Variants in LRMDA observed in about 807,000 individuals in gnomAD.
LRMDA encodes leucine rich melanocyte differentiation associated, also known as leucine-rich melanocyte differentiation-associated protein.
Under a neutral mutation model 29.8 loss-of-function variants are expected in LRMDA, and 18 were observed. That is an observed-to-expected ratio of 0.60 (90% CI 0.42 to 0.90). The LOEUF (loss-of-function observed/expected upper bound fraction) is 0.90. LRMDA is among the 40% of genes least tolerant of loss of function. LRMDA has a pLI of 0.00. For missense variants in LRMDA, 273 were observed against 273.9 expected (o/e 1.00, Z 0.02); for synonymous variants, 125 against 109.4 (o/e 1.14, Z -0.89).
At chr10:75,749,822 G>A (rs1842932733) in intron 2 of LRMDA, among the ~76,000 whole-genome samples, 1 of 152,086 alleles carries the variant, frequency 6.6e-6, no homozygotes, top group South Asian at 2.1e-4. Context: ...TTAGGGAGTG[G>A]TGATGACTCT....
At chr10:76,145,700 C>T (rs1363541973) in intron 5 of LRMDA, among the ~76,000 whole-genome samples, 3 of 151,928 alleles carry the variant, frequency 2.0e-5, no homozygotes, top group African/African-American at 7.3e-5. Context: ...TTCAGTTCTG[C>T]TCTGATCTTA....
At chr10:75,764,928 C>CGTGTGTGTGTGT (rs57422251) in intron 2 of LRMDA, among the ~76,000 whole-genome samples, 167 of 142,850 alleles carry the variant, frequency 1.2e-3, no homozygotes, top group African/African-American at 3.8e-3. Context: ...GCAAGAGACA[C>CGTGTGTGTGTGT]GTGTGTGTGT....
chr10:76,273,729 G>T (rs1307146498), intron 5 of LRMDA, among the ~76,000 whole-genome samples: 2 of 152,172 alleles, frequency 1.3e-5, no homozygotes, highest in African/African-American at 2.4e-5. Flanking sequence ...AGAAGCAGGG[G>T]AGTGGAGGCA....
At chr10:75,801,758 C>T (rs186094969) in intron 2 of LRMDA, among the ~76,000 whole-genome samples, 1 of 152,180 alleles carries the variant, frequency 6.6e-6, no homozygotes, top group Non-Finnish European at 1.5e-5. Context: ...AGATAAGGAG[C>T]TGTCGAATGG....
At chr10:76,389,530 G>A (rs759793014) in intron 6 of LRMDA, among the ~76,000 whole-genome samples, 27 of 152,194 alleles carry the variant, frequency 1.8e-4, no homozygotes, top group Non-Finnish European at 2.6e-4. Flanking sequence ...GTTCAGTGGC[G>A]TTAAGTACCT....
At chr10:75,803,582 C>G (rs1843794457) in intron 2 of LRMDA, among the ~76,000 whole-genome samples, 1 of 152,186 alleles carries the variant, frequency 6.6e-6, no homozygotes, top group African/African-American at 2.4e-5. Context: ...GTTTCAGTTT[C>G]CTCACCTGTG....
At chr10:75,633,533 T>C (rs1391309177) in intron 2 of LRMDA, among the ~76,000 whole-genome samples, 1 of 152,240 alleles carries the variant, frequency 6.6e-6, no homozygotes, top group Non-Finnish European at 1.5e-5. Flanking sequence ...ATGCACTGAA[T>C]GTCTTTTCTG....
intron 5 of LRMDA, among the ~76,000 whole-genome samples, chr10:76,163,135 T>A (rs1263419311): frequency 6.6e-6 from 1 of 152,202 alleles, no homozygotes; most frequent in Non-Finnish European, 1.5e-5. Flanking sequence ...CAGCGTCTCC[T>A]TGTAACTATA....
chr10:76,449,547 C>T (rs891163510), intron 6 of LRMDA, among the ~76,000 whole-genome samples: 3 of 151,874 alleles, frequency 2.0e-5, no homozygotes, highest in Admixed American at 2.0e-4. Flanking sequence ...GATTTTGTAA[C>T]ACCTATTAGG....
At chr10:75,471,899 C>T (rs958150270) in intron 2 of LRMDA, among the ~76,000 whole-genome samples, 3 of 152,074 alleles carry the variant, frequency 2.0e-5, no homozygotes, top group Admixed American at 2.0e-4. Flanking sequence ...AGGGAAGGCT[C>T]ATAGAAGGAG....
At chr10:75,926,725 G>T (rs1846126655) in intron 2 of LRMDA, among the ~76,000 whole-genome samples, 1 of 152,226 alleles carries the variant, frequency 6.6e-6, no homozygotes, top group African/African-American at 2.4e-5. Flanking sequence ...ACCCACTCAT[G>T]CTGCTGTTAT....
At chr10:76,042,307 G>A (rs1848354432) in intron 3 of LRMDA, among the ~76,000 whole-genome samples, 1 of 152,152 alleles carries the variant, frequency 6.6e-6, no homozygotes, top group Admixed American at 6.5e-5. Context: ...TAGGAAGATG[G>A]AGCTTCTGCC....
At chr10:75,563,131 A>G (rs1589185908) in intron 2 of LRMDA, among the ~76,000 whole-genome samples, 1 of 152,146 alleles carries the variant, frequency 6.6e-6, no homozygotes, top group South Asian at 2.1e-4. Context: ...GTGTTTTCCA[A>G]CTTGGTTCCA....
At chr10:75,778,320 C>T (rs1160553873) in intron 2 of LRMDA, among the ~76,000 whole-genome samples, 4 of 152,138 alleles carry the variant, frequency 2.6e-5, no homozygotes, top group Non-Finnish European at 5.9e-5. Context: ...TCAAGTGATC[C>T]TCTGACCTCA....
At chr10:76,551,879 C>T (rs953896100) in intron 6 of LRMDA, among the ~76,000 whole-genome samples, 1 of 152,176 alleles carries the variant, frequency 6.6e-6, no homozygotes, top group African/African-American at 2.4e-5. Flanking sequence ...TCACCTTTTG[C>T]AGGGGTCAGG....
intron 2 of LRMDA, among the ~76,000 whole-genome samples, chr10:75,712,590 G>A (rs1842449802): frequency 1.3e-5 from 2 of 152,172 alleles, no homozygotes; most frequent in South Asian, 4.1e-4. Flanking sequence ...TGAGGGCAGA[G>A]GGGGAATTTA....
chr10:76,553,853 AGC>A (rs1230020880), intron 6 of LRMDA, among the ~76,000 whole-genome samples: 6 of 152,152 alleles, frequency 3.9e-5, no homozygotes, highest in African/African-American at 1.4e-4. Context: ...TCCCCGGGCG[AGC>A]ACCAGCAGCT....
chr10:76,477,443 G>A (rs1842686621), intron 6 of LRMDA, among the ~76,000 whole-genome samples: 1 of 151,980 alleles, frequency 6.6e-6, no homozygotes, highest in African/African-American at 2.4e-5. Flanking sequence ...TCATGGATAG[G>A]AAGAATCAAT....
chr10:76,002,626 A>C (rs1435724193), intron 2 of LRMDA, among the ~76,000 whole-genome samples: 1 of 152,216 alleles, frequency 6.6e-6, no homozygotes. Flanking sequence ...ATGTGAGGGC[A>C]TCTTTAATGA....
Sources: gnomAD v4.1 joint callset for allele counts (sites outside exome capture counted in the v4.1 genomes callset) on GRCh38, gnomAD v4.1.1 for gene constraint, MANE v1.5 for transcripts, NCBI Gene and HGNC (gene_info 2026-07-23, HGNC 2026-07-21) for gene names.